The following SLC8A3 variants were observed in gnomAD, a reference collection of about 807,000 sequenced individuals.
SLC8A3 encodes the protein solute carrier family 8 member A3, also known as sodium/calcium exchanger 3.
Under a neutral mutation model 65.4 loss-of-function variants are expected in SLC8A3, and 37 were observed. That is an observed-to-expected ratio of 0.57 (90% CI 0.44 to 0.74). SLC8A3 has a LOEUF of 0.74. Among genes scored for constraint, SLC8A3 ranks in the 30% least tolerant of loss-of-function variants. The pLI is 0.00. For synonymous variants in SLC8A3, 461 were observed against 444.5 expected (o/e 1.04, Z -0.47); for missense variants, 1,112 against 1,172.1 (o/e 0.95, Z 0.75).
chr14:70,135,030 G>A (rs1331737987), intron 2 of SLC8A3, among the ~76,000 whole-genome samples: 5 of 152,050 alleles, frequency 3.3e-5, no homozygotes, highest in African/African-American at 9.7e-5. Context: ...TAAGAAACTC[G>A]AAGAACTCAG....
At chr14:70,185,129 G>A (rs1382884695) in intron 1 of SLC8A3, among the ~76,000 whole-genome samples, 2 of 152,014 alleles carry the variant, frequency 1.3e-5, no homozygotes, top group African/African-American at 2.4e-5. Flanking sequence ...ACCATGCCCA[G>A]CTAATTTTTG....
chr14:70,167,202 G>A lies in SLC8A3; in HGVS notation c.1221C>T (p.Cys407=). 6.2e-7 allele frequency: 1 copy of A among 1,614,120 alleles called. No individual in the cohort carries two copies. Among genetic ancestry groups the A allele is most frequent in the Non-Finnish European group, 8.5e-7 (1 of 1,180,004 alleles). ...KVFFDPCSYQ[C]LENCGAVLLT... ...GGAGTACAGCCCCACAGTTCTCCAG[G>A]CACTGGTAAGAACATGGGTCAAAGA... The change falls in exon 2 of 7, where the codon TGC becomes TGT. Residue 407 remains cysteine (C), a synonymous_variant. Coordinates refer to ENST00000356921, the MANE Select transcript of SLC8A3 (RefSeq NM_182932.3).
chr14:70,144,485 C>T (rs1271867609), intron 2 of SLC8A3, among the ~76,000 whole-genome samples: 1 of 151,758 alleles, frequency 6.6e-6, no homozygotes, highest in East Asian at 1.9e-4. Context: ...CAAAAATCAG[C>T]TGGGTATGGT....
At chr14:70,177,934 G>C (rs762472084) in intron 1 of SLC8A3, among the ~76,000 whole-genome samples, 7 of 152,232 alleles carry the variant, frequency 4.6e-5, no homozygotes, top group Non-Finnish European at 8.8e-5. Context: ...ACTGGGATGA[G>C]AGGCAATGGA....
chr14:70,182,695 T>C (rs979705685), intron 1 of SLC8A3, among the ~76,000 whole-genome samples: 3 of 151,624 alleles, frequency 2.0e-5, no homozygotes, highest in Non-Finnish European at 4.4e-5. Flanking sequence ...GATGAGAAAA[T>C]AGGGACAAAT....
At position 70,082,775 on chromosome 14, in the gene SLC8A3, G is replaced by A. The variant is rs182018161; in HGVS notation, c.1785-21836C>T. Among the ~76,000 whole-genome samples, 153 of 152,308 alleles carry A rather than the reference G, an allele frequency of 1.0e-3. 1 individual carries two copies. Among genetic ancestry groups the A allele is most frequent in the African/African-American group, 3.6e-3 (151 of 41,566 alleles). ...CATTCCTCTGAACCAAAGGGAAAAT[G>A]AAATTGAAGGAGGCCAAGGAATTAT... is the stretch of plus-strand genomic sequence containing the variant. On this transcript the variant is annotated intron_variant, in intron 2 of 6. Transcript: ENST00000356921.
intron 2 of SLC8A3, among the ~76,000 whole-genome samples, chr14:70,070,323 C>T (rs1289465413): frequency 6.6e-6 from 1 of 152,222 alleles, no homozygotes; most frequent in Admixed American, 6.5e-5. Context: ...GCTATTTTCT[C>T]TGCACACATT....
intron 3 of SLC8A3, chr14:70,055,777 G>A (rs1365238059): frequency 6.2e-7 from 1 of 1,601,018 alleles, no homozygotes; most frequent in African/African-American, 1.4e-5. Context: ...AGAAAAGAGG[G>A]GGACAAGACA....
At chr14:70,077,084 T>C (rs1443060852) in intron 2 of SLC8A3, among the ~76,000 whole-genome samples, 2 of 152,156 alleles carry the variant, frequency 1.3e-5, no homozygotes, top group Non-Finnish European at 2.9e-5. Flanking sequence ...GTCGTACATG[T>C]CACTTAATTT....
rs1461756973 is a variant in SLC8A3 at position 70,146,867 on chromosome 14, C to T, written c.1784+19772G>A. ...GGAGGAAATGTGTGTGTTAGATAAG[C>T]TTTGTGAAGGCAGGAGTTATAATGC... On this transcript the variant is annotated intron_variant, in intron 2 of 6. Transcript: ENST00000356921. Among the ~76,000 whole-genome samples the T allele has an allele frequency of 3.3e-5, 5 of 152,154 alleles. No homozygotes were observed. In the East Asian group the frequency reaches 7.7e-4, roughly 23 times the overall value.
intron 2 of SLC8A3, among the ~76,000 whole-genome samples, chr14:70,104,707 T>C (rs1015068294): frequency 6.6e-6 from 1 of 152,102 alleles, no homozygotes; most frequent in Non-Finnish European, 1.5e-5. Flanking sequence ...AAACAGCCTA[T>C]GGGCCAAAGA....
At chr14:70,104,082 T>C (rs768856608) in intron 2 of SLC8A3, among the ~76,000 whole-genome samples, 1 of 151,998 alleles carries the variant, frequency 6.6e-6, no homozygotes, top group Non-Finnish European at 1.5e-5. Flanking sequence ...ATCAGGAAGA[T>C]ACAACAATCA....
chr14:70,141,981 C>A (rs1199316303), intron 2 of SLC8A3, among the ~76,000 whole-genome samples: 3 of 152,172 alleles, frequency 2.0e-5, no homozygotes, highest in Non-Finnish European at 2.9e-5. Flanking sequence ...CAATGGCCTC[C>A]CTCTCACCAG....
At chr14:70,067,240 T>C (rs1889530281) in intron 2 of SLC8A3, among the ~76,000 whole-genome samples, 1 of 152,208 alleles carries the variant, frequency 6.6e-6, no homozygotes, top group Non-Finnish European at 1.5e-5. Flanking sequence ...AGTAAACTTA[T>C]CACCTCTTCG....
Position 70,168,395 on chromosome 14 carries a change from TGA to T in SLC8A3, c.26_27del (p.Leu9HisfsTer37). ...AGCCCAAAATGGAGGAAGGCAGAGG[TGA>T]GAGGCTGCAACCTTAACCACGCCAT... MAWLRLQP[L>X]TSAFLHFGLV... On this transcript the variant is annotated frameshift_variant, in exon 2 of 7. Coordinates refer to ENST00000356921, the MANE Select transcript of SLC8A3 (RefSeq NM_182932.3). LOFTEE classifies it high-confidence loss of function. 6.2e-7 allele frequency: 1 copy of T among 1,613,720 alleles called. No individual in the cohort carries two copies. Among genetic ancestry groups the T allele is most frequent in the Non-Finnish European group, 8.5e-7 (1 of 1,179,888 alleles).
At chr14:70,051,967 T>C in intron 4 of SLC8A3, 23 bp downstream of exon 4, 1 of 1,605,142 alleles carries the variant, frequency 6.2e-7, no homozygotes. Flanking sequence ...TATTATTCAA[T>C]TAGACCTCAC....
At chr14:70,069,060 CA>C (rs2139897610) in intron 2 of SLC8A3, among the ~76,000 whole-genome samples, 1 of 152,316 alleles carries the variant, frequency 6.6e-6, no homozygotes, top group African/African-American at 2.4e-5. Context: ...AACAGATGCT[CA>C]AAGAGGTTAA....
rs557710624 is a variant in SLC8A3, at chr14:70,167,256, A to G, written c.1167T>C (p.Asp389=). 130 of 1,614,236 alleles carry G rather than the reference A, an allele frequency of 8.1e-5. No individual in the cohort carries two copies. The South Asian group carries it at 1.2e-3, about 14-fold the overall frequency. ...KASSMSEVHT[D]EPEDFISKVF... ...CCTTGGAAATAAAGTCCTCAGGCTCATCGGTGTGCACCTCGCTCATGCTGG... is the reference window on the plus strand; with the variant it reads ...CCTTGGAAATAAAGTCCTCAGGCTCGTCGGTGTGCACCTCGCTCATGCTGG... Residue 389 remains aspartate, a synonymous_variant, in exon 2 of 7, where the codon GAT becomes GAC. Coordinates refer to ENST00000356921, the MANE Select transcript of SLC8A3 (RefSeq NM_182932.3).
intron 1 of SLC8A3, among the ~76,000 whole-genome samples, chr14:70,170,904 A>G (rs1485800605): frequency 2.6e-5 from 4 of 152,130 alleles, no homozygotes; most frequent in African/African-American, 9.7e-5. Context: ...AGAGGAGAAG[A>G]GGTTATGGGA....
Sources: allele counts gnomAD v4.1 joint callset (sites outside exome capture counted in the v4.1 genomes callset), GRCh38; gene constraint gnomAD v4.1.1; transcripts MANE v1.5; gene names NCBI Gene and HGNC (gene_info 2026-07-23, HGNC 2026-07-21).